RNF20: variants seen among roughly 807,000 people sequenced by gnomAD.
The protein encoded by RNF20 is ring finger protein 20.
RNF20 carries 84 observed loss-of-function variants against 126.2 expected under a neutral mutation model. The ratio of observed to expected loss-of-function variants is 0.67; its 90% confidence interval spans 0.56 to 0.80. RNF20 has a LOEUF of 0.80. Ranked by LOEUF, RNF20 falls within the 30% of genes least tolerant of loss-of-function variation. The pLI is 0.00. For synonymous variants in RNF20, 400 were observed against 414.3 expected (o/e 0.97, Z 0.42); for missense variants, 869 against 1,188.2 (o/e 0.73, Z 3.95).
intron 13 of RNF20, 77 bp downstream of exon 13, chr9:101,552,830 T>C (rs1019004666): frequency 7.5e-7 from 1 of 1,341,314 alleles, no homozygotes; most frequent in African/African-American, 1.5e-5. Context: ...GTTTGGTTGA[T>C]GGCATGGCTT....
rs148111768 is a variant in RNF20 at position 101,540,153 on chromosome 9, C to G, written c.130-50C>G. On this transcript the variant is annotated intron_variant, in intron 2 of 19. Coordinates refer to ENST00000389120, the MANE Select transcript of RNF20 (RefSeq NM_019592.7). Reference sequence around the variant, plus strand: ...TGTGACCTTGTTGAGTTTAACGGCTCATTTTTCTTATTTCTTTGTGGAGAC... The same window carrying G: ...TGTGACCTTGTTGAGTTTAACGGCTGATTTTTCTTATTTCTTTGTGGAGAC... 14 of 1,553,022 alleles carry G rather than the reference C, an allele frequency of 9.0e-6. No individual in the cohort carries two copies. The Admixed American group carries it at 2.5e-4, about 28-fold the overall frequency.
intron 18 of RNF20, 152 bp downstream of exon 18, chr9:101,561,382 A>T (rs577714860): frequency 1.2e-5 from 9 of 745,530 alleles, no homozygotes; most frequent in Non-Finnish European, 1.8e-5. Context: ...TGTTTTCTTC[A>T]CTGCCATATC....
chr9:101,535,923 T>C (rs1256053710), intron 2 of RNF20, among the ~76,000 whole-genome samples: 1 of 152,200 alleles, frequency 6.6e-6, no homozygotes, highest in African/African-American at 2.4e-5. Flanking sequence ...AGTGAGAGTC[T>C]GAGACCAGAT....
At position 101,540,201 on chromosome 9, in the gene RNF20, A is replaced by G; in HGVS notation, c.130-2A>G. On this transcript the variant is annotated splice_acceptor_variant, in intron 2 of 19. Transcript: ENST00000389120. LOFTEE classifies it high-confidence loss of function. ...GACTAATACGATTGGTTTACTGGGCAGGAGGAACTAGACATTAGAACACTG... is the reference window on the plus strand; with the variant it reads ...GACTAATACGATTGGTTTACTGGGCGGGAGGAACTAGACATTAGAACACTG... 1 of 1,613,514 alleles carries G rather than the reference A, an allele frequency of 6.2e-7. No individual in the cohort carries two copies. The highest frequency in any genetic ancestry group is 8.5e-7 in the Non-Finnish European group (1 of 1,179,528).
chr9:101,549,378 A>C (rs1827405562), intron 9 of RNF20, among the ~76,000 whole-genome samples: 1 of 152,226 alleles, frequency 6.6e-6, no homozygotes, highest in Admixed American at 6.5e-5. Context: ...ATTTCTGATA[A>C]TTAGAGACTT....
intron 10 of RNF20, among the ~76,000 whole-genome samples, chr9:101,550,995 A>G (rs1365290905): frequency 6.6e-6 from 1 of 152,240 alleles, no homozygotes; most frequent in Non-Finnish European, 1.5e-5. Context: ...TAATGGGAGA[A>G]TAGTATCCAT....
At chr9:101,552,819 T>C in intron 13 of RNF20, 66 bp downstream of exon 13, 1 of 1,443,320 alleles carries the variant, frequency 6.9e-7, no homozygotes, top group Non-Finnish European at 9.4e-7. Context: ...ATGCATGAAA[T>C]GTTTGGTTGA....
intron 5 of RNF20, 79 bp from the exon 6 acceptor site, chr9:101,544,688 T>C (rs1400746760): frequency 1.9e-5 from 18 of 953,138 alleles, no homozygotes; most frequent in African/African-American, 3.3e-5. Context: ...GCCTGGGCGA[T>C]AGAGCAAGAC....
chr9:101,539,883 A>T (rs7029878), intron 2 of RNF20, among the ~76,000 whole-genome samples: 72,170 of 151,394 alleles, frequency 0.48, 17,382 homozygotes, highest in East Asian at 0.66. Flanking sequence ...ACGAGATAGA[A>T]GACAGTGTTG....
In RNF20 at chr9:101,534,462, G is replaced by C. The variant is rs76158282; in HGVS notation, c.-27+548G>C. On this transcript the variant is annotated intron_variant, in intron 1 of 19. Transcript: ENST00000389120. ...GTAGGGTTGCATAAAACAGTGGAGA[G>C]AGCGTTTGGAAATAGGGAAAACACT... is the stretch of plus-strand genomic sequence containing the variant. Among the ~76,000 whole-genome samples, 736 of 152,316 alleles carry C rather than the reference G, an allele frequency of 4.8e-3. 6 individuals carry two copies. Among genetic ancestry groups the C allele is most frequent in the African/African-American group, 0.015 (635 of 41,564 alleles).
intron 14 of RNF20, among the ~76,000 whole-genome samples, chr9:101,554,464 GTTACC>G (rs1827500203): frequency 6.6e-6 from 1 of 152,140 alleles, no homozygotes; most frequent in African/African-American, 2.4e-5. Flanking sequence ...TCTAAAGAAA[GTTACC>G]TGTGCACTTC....
intron 10 of RNF20, among the ~76,000 whole-genome samples, chr9:101,551,169 G>A (rs887413319): frequency 1.3e-5 from 2 of 152,078 alleles, no homozygotes. Context: ...AAGAATTCCC[G>A]GCATGAGAAC....
At chr9:101,561,464 A>G in intron 18 of RNF20, 1 of 492,384 alleles carries the variant, frequency 2.0e-6, no homozygotes, top group Non-Finnish European at 3.6e-6. Context: ...TGAATTAGTA[A>G]ATTGTTAAAG....
Position 101,540,501 on chromosome 9 carries a change from C to G in RNF20, c.309C>G (p.Asn103Lys). 6.2e-7 allele frequency: 1 copy of G among 1,613,858 alleles called. No homozygotes were observed. Among genetic ancestry groups the G allele is most frequent in the Non-Finnish European group, 8.5e-7 (1 of 1,179,958 alleles). Residue 103 changes from asparagine to lysine, a missense_variant, in exon 4 of 20, where the codon AAC becomes AAG. By Grantham distance (94) the Asn-to-Lys change is moderately conservative (BLOSUM62 0). Around this residue, in one of 8 missense-constraint regions of RNF20, gnomAD observed 157 missense variants for 236.0 expected, o/e 0.67. Transcript: ENST00000389120. ...VNRYWSQFDENIRIILKRYDL... is the reference protein window; with the variant it reads ...VNRYWSQFDEKIRIILKRYDL... ...CTACCCTTCTCCAGTTTGATGAAAA[C>G]ATCCGTATCATCCTTAAACGTTATG...
intron 13 of RNF20, among the ~76,000 whole-genome samples, chr9:101,553,018 A>G (rs1268280262): frequency 6.6e-6 from 1 of 152,102 alleles, no homozygotes; most frequent in Non-Finnish European, 1.5e-5. Flanking sequence ...GGATGTCATG[A>G]TTGAGGTAAT....
intron 6 of RNF20, among the ~76,000 whole-genome samples, chr9:101,546,445 T>G (rs1336197028): frequency 6.6e-6 from 1 of 152,120 alleles, no homozygotes; most frequent in Non-Finnish European, 1.5e-5. Flanking sequence ...TAAAAATGGT[T>G]TTTTTGAAAA....
chr9:101,546,160 C>G (rs2118696989), intron 6 of RNF20, among the ~76,000 whole-genome samples: 1 of 152,208 alleles, frequency 6.6e-6, no homozygotes, highest in East Asian at 1.9e-4. Flanking sequence ...AGAGGACTTT[C>G]AAAGGATTTT....
chr9:101,560,971 T>C, intron 17 of RNF20, 45 bp downstream of exon 17: 1 of 1,601,874 alleles, frequency 6.2e-7, no homozygotes, highest in Non-Finnish European at 8.5e-7. Flanking sequence ...GTGGAACAAA[T>C]AAGTATAACA....
At position 101,552,591 on chromosome 9, in the gene RNF20, GAGAA is replaced by G. The variant is rs763884638; in HGVS notation, c.1743_1746del (p.Arg582AsnfsTer15). The stretch of plus-strand genomic sequence containing the variant: ...GAAAGGAGGGAGAAGGAGAGGGAAC[GAGAA>G]AGAGAACGGGAGAAGGAGAAGGAGA... On this transcript the variant is annotated frameshift_variant, in exon 13 of 20. Transcript: ENST00000389120. LOFTEE classifies it high-confidence loss of function. 2 of 1,585,726 alleles carry G rather than the reference GAGAA, an allele frequency of 1.3e-6. No homozygotes were observed. Among genetic ancestry groups the G allele is most frequent in the Non-Finnish European group, 1.7e-6 (2 of 1,154,340 alleles).
Sources: allele counts gnomAD v4.1 joint callset (sites outside exome capture counted in the v4.1 genomes callset), GRCh38; gene constraint gnomAD v4.1.1; regional missense constraint gnomAD v4.1.1; transcripts MANE v1.5; gene names NCBI Gene and HGNC (gene_info 2026-07-23, HGNC 2026-07-21).